RPS15: variants seen among roughly 807,000 people sequenced by gnomAD.
RPS15 encodes small ribosomal subunit protein uS19.
RPS15 carries 5 observed loss-of-function variants against 14.9 expected under a neutral mutation model. The observed-to-expected ratio is 0.34, with a 90% confidence interval of 0.18 to 0.70. The LOEUF is 0.70. Among genes scored for constraint, RPS15 ranks in the 30% least tolerant of loss-of-function variants. The probability of loss-of-function intolerance (pLI) is 0.65; values close to 1 mark genes in which losing one functional copy is unlikely to be tolerated. For missense variants in RPS15, 102 were observed against 204.2 expected, an observed-to-expected ratio of 0.50 and a Z score of 3.05; for synonymous variants, 103 against 85.0, an observed-to-expected ratio of 1.21 and a Z score of -1.16.
chr19:1,438,553 C>T lies in RPS15; in HGVS notation c.3+125C>T, dbSNP rs1379109494. On this transcript the variant is annotated intron_variant, in intron 1 of 3. Coordinates refer to ENST00000592588, the MANE Select transcript of RPS15 (RefSeq NM_001018.5). This position sits in a 1 kb window ranked among gnomAD's most constrained non-coding sequence, Gnocchi z 4.8. ...GGCTTGCTCCCGACCCTGCAGGCGG[C>T]TGGATGTTGGGGCGAGGGGCGGACT... is the stretch of plus-strand genomic sequence containing the variant. 6.3e-7 allele frequency: 1 copy of T among 1,580,648 alleles called. No individual in the cohort carries two copies. Among genetic ancestry groups the T allele is most frequent in the Non-Finnish European group, 8.6e-7 (1 of 1,163,434 alleles).
At chr19:1,439,494 A>C (rs2083635948) in intron 2 of RPS15, 1 of 208,516 alleles carries the variant, frequency 4.8e-6, no homozygotes, top group Non-Finnish European at 9.9e-6. Context: ...TCCTGACCTC[A>C]GGTGATCCAC....
intron 2 of RPS15, chr19:1,439,548 C>T (rs745914909): frequency 1.0e-5 from 3 of 286,568 alleles, no homozygotes; most frequent in Admixed American, 4.9e-5. Flanking sequence ...GCGTGAACAC[C>T]GCGCCCGACC....
Position 1,438,439 on chromosome 19 carries a change from C to T in RPS15, c.3+11C>T, listed in dbSNP as rs371553340. The T allele has an allele frequency of 5.6e-6, 9 of 1,613,284 alleles. No individual in the cohort carries two copies. The highest frequency in any genetic ancestry group is 3.3e-5 in the South Asian group (3 of 91,084). ...GGATCCGGCAAGATGGTGAGTGTTG[C>T]GATTTGGCGCGTCTCTGCCGGGCCT... is the stretch of plus-strand genomic sequence containing the variant. On this transcript the variant is annotated intron_variant, in intron 1 of 3. Transcript: ENST00000592588. This position sits in a 1 kb window ranked among gnomAD's most constrained non-coding sequence, Gnocchi z 4.8.
chr19:1,439,107 T>C (rs1247302254), intron 2 of RPS15: 1 of 546,002 alleles, frequency 1.8e-6, no homozygotes, highest in Admixed American at 3.7e-5. Flanking sequence ...TTGTTCACTT[T>C]TCCGCGGCTT....
chr19:1,439,531 A>G (rs1472496386), intron 2 of RPS15: 1 of 245,210 alleles, frequency 4.1e-6, no homozygotes, highest in Non-Finnish European at 8.1e-6. Flanking sequence ...AAGTGCTGGG[A>G]TTACAGGCGT....
chr19:1,440,408 T>C lies in RPS15; in HGVS notation c.384T>C (p.His128=), dbSNP rs767434466. 28 of 1,613,890 alleles carry C rather than the reference T, an allele frequency of 1.7e-5. 1 individual carries two copies. In the Middle Eastern group the frequency reaches 8.2e-4, roughly 47 times the overall value. ...EFSITYKPVK[H]GRPGIGATHS... is the part of the protein sequence containing the mutation. Reference sequence around the variant, plus strand: ...CCATCACCTACAAGCCCGTAAAGCATGGCCGGCCCGGCATCGGGGCCACCC... The same window carrying C: ...CCATCACCTACAAGCCCGTAAAGCACGGCCGGCCCGGCATCGGGGCCACCC... Residue 128 remains histidine (H), a synonymous_variant, in exon 4 of 4, where the codon CAT becomes CAC. Transcript: ENST00000592588.
rs1384164310 is a variant in RPS15, at chr19:1,440,033, A to G, written c.104A>G (p.Gln35Arg). Residue 35 changes from glutamine (Q) to arginine (R), a missense_variant, in exon 3 of 4, where the codon CAG (glutamine) becomes CGG (arginine). Gln to Arg is a conservative substitution (Grantham distance 43). This residue lies in a region of RPS15 where 70 missense variants were observed against 96.8 expected (regional missense o/e 0.72). Coordinates refer to ENST00000592588, the MANE Select transcript of RPS15 (RefSeq NM_001018.5). ...ATCCTCCCCAGCGAGCAGCTGATGC[A>G]GCTGTACAGTGCGCGCCAGCGGCGG... The part of the protein sequence containing the change: ...LLDMSYEQLM[Q>R]LYSARQRRRL... 9 of 1,552,682 alleles carry G rather than the reference A, an allele frequency of 5.8e-6. No homozygotes were observed. The highest frequency in any genetic ancestry group is 7.0e-6 in the Non-Finnish European group (8 of 1,149,146).
intron 2 of RPS15, chr19:1,439,444 G>A (rs1308385107): frequency 1.1e-5 from 2 of 180,100 alleles, no homozygotes; most frequent in Admixed American, 1.1e-4. Flanking sequence ...TGTATTTTTA[G>A]TAGAGACGAG....
chr19:1,438,501 G>A lies in RPS15; in HGVS notation c.3+73G>A, dbSNP rs755430932. On this transcript the variant is annotated intron_variant, in intron 1 of 3. Coordinates refer to ENST00000592588, the MANE Select transcript of RPS15 (RefSeq NM_001018.5). This position sits in a 1 kb window ranked among gnomAD's most constrained non-coding sequence, Gnocchi z 4.8. ...TCCAACCTCTGACCGTCTCGCGGGGGCCGCAGTTCGTCCCCGCGGCTACGG... is the reference window on the plus strand; with the variant it reads ...TCCAACCTCTGACCGTCTCGCGGGGACCGCAGTTCGTCCCCGCGGCTACGG... The A allele has an allele frequency of 3.7e-6, 6 of 1,610,982 alleles. No homozygotes were observed. In the Admixed American group the frequency reaches 1.0e-4, roughly 27 times the overall value.
rs769813919 is a variant in RPS15 at position 1,438,544 on chromosome 19, T to C, written c.3+116T>C. On this transcript the variant is annotated intron_variant, in intron 1 of 3. Coordinates refer to ENST00000592588, the MANE Select transcript of RPS15 (RefSeq NM_001018.5). This position sits in a 1 kb window ranked among gnomAD's most constrained non-coding sequence, Gnocchi z 4.8. ...GGCTACGGCGGCTTGCTCCCGACCC[T>C]GCAGGCGGCTGGATGTTGGGGCGAG... 10 of 1,586,510 alleles carry C rather than the reference T, an allele frequency of 6.3e-6. No individual in the cohort carries two copies. Among genetic ancestry groups the C allele is most frequent in the Middle Eastern group, 3.3e-4 (2 of 6,042 alleles).
chr19:1,440,128 G>A lies in RPS15; in HGVS notation c.199G>A (p.Ala67Thr), dbSNP rs1331000682. ...GCGCCTGCGCAAGGCCAAGAAGGAG[G>A]CGCCGCCCATGGAGAAGCCGGAAGT... ...LKRLRKAKKE[A>T]PPMEKPEVVK... Residue 67 changes from alanine to threonine, a missense_variant, in exon 3 of 4, where the codon GCG (alanine) becomes ACG (threonine). Coordinates refer to ENST00000592588, the MANE Select transcript of RPS15 (RefSeq NM_001018.5). 1.9e-6 allele frequency: 3 copies of A among 1,607,272 alleles called. No individual in the cohort carries two copies. The highest frequency in any genetic ancestry group is 2.5e-6 in the Non-Finnish European group (3 of 1,177,608).
At chr19:1,439,021 G>C in intron 2 of RPS15, 129 bp downstream of exon 2, 1 of 753,758 alleles carries the variant, frequency 1.3e-6, no homozygotes. Flanking sequence ...CGCGGGTTTG[G>C]AACTGAGTGT....
chr19:1,440,316 C>T (rs372356339), intron 3 of RPS15, 33 bp from the exon 4 acceptor site: 4 of 1,610,448 alleles, frequency 2.5e-6, no homozygotes, highest in African/African-American at 1.3e-5. Flanking sequence ...GCGGGATCAG[C>T]TGACACCCAG....
intron 2 of RPS15, 168 bp from the exon 3 acceptor site, chr19:1,439,851 G>T: frequency 1.5e-6 from 1 of 666,624 alleles, no homozygotes. Flanking sequence ...TCTGGCGGGG[G>T]TGCCAGAGGG....
Position 1,438,469 on chromosome 19 carries a change from G to A in RPS15, c.3+41G>A. 1.2e-6 allele frequency: 2 copies of A among 1,613,194 alleles called. No homozygotes were observed. The highest frequency in any genetic ancestry group is 1.7e-6 in the Non-Finnish European group (2 of 1,179,886). On this transcript the variant is annotated intron_variant, in intron 1 of 3. Coordinates refer to ENST00000592588, the MANE Select transcript of RPS15 (RefSeq NM_001018.5). This position sits in a 1 kb window ranked among gnomAD's most constrained non-coding sequence, Gnocchi z 4.8. ...TGGCGCGTCTCTGCCGGGCCTATCCGGCTCCATCCAACCTCTGACCGTCTC... is the reference window on the plus strand; with the variant it reads ...TGGCGCGTCTCTGCCGGGCCTATCCAGCTCCATCCAACCTCTGACCGTCTC...
In RPS15 at chr19:1,438,958, CGGCGG is replaced by C; in HGVS notation, c.89+74_89+78del. On this transcript the variant is annotated intron_variant, in intron 2 of 3. Transcript: ENST00000592588. This position sits in a 1 kb window ranked among gnomAD's most constrained non-coding sequence, Gnocchi z 4.8. ...GCGGTGGGGCTTGTCCGGGTGAGGG[CGGCGG>C]GGCGGGGGTCCAAGCGCCTCTGCGG... 1 of 834,006 alleles carries C rather than the reference CGGCGG, an allele frequency of 1.2e-6. No homozygotes were observed. Among genetic ancestry groups the C allele is most frequent in the Non-Finnish European group, 1.8e-6 (1 of 552,982 alleles). 51.7% of individuals were successfully genotyped at this position (834,006 alleles called of 1,614,324 possible). A position where few individuals can be genotyped will look rare whatever the true frequency, so the allele number is the denominator to read the frequency against.
At chr19:1,439,697 C>T in intron 2 of RPS15, 4 of 584,074 alleles carry the variant, frequency 6.8e-6, no homozygotes, top group East Asian at 2.8e-5. Flanking sequence ...GCCCTACCTG[C>T]CTTCCCCTGC....
At chr19:1,439,912 C>A in intron 2 of RPS15, 107 bp from the exon 3 acceptor site, 1 of 908,886 alleles carries the variant, frequency 1.1e-6, no homozygotes, top group Non-Finnish European at 1.7e-6. Flanking sequence ...AGGTCCACTG[C>A]GGCTCTGTCC....
chr19:1,439,737 C>T (rs75278066), intron 2 of RPS15: 1 of 601,702 alleles, frequency 1.7e-6, no homozygotes, highest in East Asian at 2.7e-5. Flanking sequence ...CCGAGCTGTA[C>T]GCTGCAGCAC....
Sources: gnomAD v4.1 joint callset for allele counts on GRCh38, gnomAD v4.1.1 for gene constraint, gnomAD v4.1.1 regional missense constraint, Gnocchi (gnomAD v3.1) non-coding constraint, MANE v1.5 for transcripts, NCBI Gene and HGNC (gene_info 2026-07-23, HGNC 2026-07-21) for gene names.